Variants in MTRF1 observed in about 807,000 individuals in gnomAD.
MTRF1 encodes the protein mitochondrial translation release factor 1, also known as peptide chain release factor 1, mitochondrial.
MTRF1 carries 51 observed loss-of-function variants against 62.9 expected under a neutral mutation model. The ratio of observed to expected loss-of-function variants is 0.81; its 90% CI spans 0.65 to 1.02. The LOEUF (loss-of-function observed/expected upper bound fraction) is 1.02. MTRF1 is among the 50% of genes least tolerant of loss of function. MTRF1 has a pLI of 0.00. For synonymous variants in MTRF1, 158 were observed against 181.9 expected, an observed-to-expected ratio of 0.87 and a Z score of 1.06; for missense variants, 446 against 530.0, an observed-to-expected ratio of 0.84 and a Z score of 1.56.
At chr13:41,306,641 A>G in the MTRF1 span, among the ~76,000 whole-genome samples, 2 of 152,228 alleles carry the variant, frequency 1.3e-5, no homozygotes, top group Non-Finnish European at 2.9e-5. Context: ...ACTAGGCTGA[A>G]CGAGAAGAAT....
chr13:41,304,498 A>G, the MTRF1 span, among the ~76,000 whole-genome samples: 1 of 152,204 alleles, frequency 6.6e-6, no homozygotes, highest in African/African-American at 2.4e-5. Context: ...ACTCAACAAT[A>G]AATACTGTGA....
At chr13:41,280,658 T>C in the MTRF1 span, among the ~76,000 whole-genome samples, 37 of 152,174 alleles carry the variant, frequency 2.4e-4, no homozygotes, top group African/African-American at 8.4e-4. Context: ...AACCAAGCTG[T>C]ACCCTGACCA....
chr13:41,289,083 A>G, the MTRF1 span, among the ~76,000 whole-genome samples: 3 of 152,276 alleles, frequency 2.0e-5, no homozygotes, highest in East Asian at 3.9e-4. Context: ...GCAAATTGGA[A>G]AGGTGAAAAA....
At chr13:41,270,119 T>C in the MTRF1 span, among the ~76,000 whole-genome samples, 1 of 152,232 alleles carries the variant, frequency 6.6e-6, no homozygotes, top group East Asian at 1.9e-4. Context: ...TTGGGCTGGG[T>C]TTATAGTTTT....
At chr13:41,293,798 C>T in the MTRF1 span, among the ~76,000 whole-genome samples, 1 of 151,960 alleles carries the variant, frequency 6.6e-6, no homozygotes, top group African/African-American at 2.4e-5. Flanking sequence ...AATTTGATAT[C>T]TTAAAGTTGT....
chr13:41,311,436 C>A, the MTRF1 span: 18 of 1,241,682 alleles, frequency 1.4e-5, no homozygotes, highest in Non-Finnish European at 2.1e-5. Flanking sequence ...GCCCGACTCT[C>A]AGCAGCGGTT....
intron 5 of MTRF1, among the ~76,000 whole-genome samples, chr13:41,242,574 T>C (rs1042388277): frequency 6.6e-5 from 10 of 152,192 alleles, no homozygotes; most frequent in Admixed American, 6.5e-5. Context: ...CATATGATGT[T>C]GAGACCCAAT....
chr13:41,286,088 C>CAAAAAAAAAAAAAAAAAAAAAAAAAA, the MTRF1 span, among the ~76,000 whole-genome samples: 1 of 110,064 alleles, frequency 9.1e-6, no homozygotes, highest in Non-Finnish European at 1.7e-5. Context: ...ACAACAACAA[C>CAAAAAAAAAAAAAAAAAAAAAAAAAA]AAAAAAAAAA....
the MTRF1 span, among the ~76,000 whole-genome samples, chr13:41,295,197 T>C: frequency 5.3e-5 from 8 of 152,198 alleles, no homozygotes; most frequent in African/African-American, 1.7e-4. Context: ...AACACTGATG[T>C]TGTGGCCTGA....
the MTRF1 span, among the ~76,000 whole-genome samples, chr13:41,283,293 G>A: frequency 7.9e-5 from 12 of 152,240 alleles, no homozygotes; most frequent in East Asian, 5.8e-4. Context: ...TCCTCTGGGC[G>A]CTGCTGTCCC....
chr13:41,253,425 A>G (rs1454233415), intron 3 of MTRF1, among the ~76,000 whole-genome samples: 2 of 152,172 alleles, frequency 1.3e-5, no homozygotes, highest in African/African-American at 4.8e-5. Flanking sequence ...AAATGATTTC[A>G]TATTATCTTC....
intron 9 of MTRF1, chr13:41,220,717 T>G: frequency 1.5e-6 from 1 of 669,168 alleles, no homozygotes; most frequent in Non-Finnish European, 2.3e-6. Context: ...TGCTTTTCTC[T>G]GTGTATCAAT....
the MTRF1 span, among the ~76,000 whole-genome samples, chr13:41,306,761 G>A: frequency 1.3e-5 from 2 of 152,138 alleles, no homozygotes; most frequent in Non-Finnish European, 2.9e-5. Context: ...GGTATGCACC[G>A]TCTGAAGTGC....
the MTRF1 span, among the ~76,000 whole-genome samples, chr13:41,298,404 C>T: frequency 7.1e-3 from 6 of 850 alleles, no homozygotes; most frequent in African/African-American, 0.025. Flanking sequence ...GTTACACTCT[C>T]ATAGTGTAAC....
At chr13:41,291,788 A>G in the MTRF1 span, among the ~76,000 whole-genome samples, 1 of 152,156 alleles carries the variant, frequency 6.6e-6, no homozygotes, top group Non-Finnish European at 1.5e-5. Flanking sequence ...TTTTTTCTAA[A>G]CTGGGACTGA....
the MTRF1 span, among the ~76,000 whole-genome samples, chr13:41,270,135 C>A: frequency 6.6e-6 from 1 of 151,996 alleles, no homozygotes; most frequent in Non-Finnish European, 1.5e-5. Flanking sequence ...GTTTTGTAAC[C>A]CCTATGCAAA....
the MTRF1 span, among the ~76,000 whole-genome samples, chr13:41,279,849 T>C: frequency 6.6e-6 from 1 of 152,218 alleles, no homozygotes; most frequent in Admixed American, 6.5e-5. Flanking sequence ...CTTTTAGGTC[T>C]GATAAGAAAC....
chr13:41,277,569 G>A, the MTRF1 span, among the ~76,000 whole-genome samples: 1 of 152,284 alleles, frequency 6.6e-6, no homozygotes, highest in Admixed American at 6.5e-5. Context: ...GGCAAGGTAT[G>A]GGGAAGATGT....
chr13:41,273,399 T>C, the MTRF1 span, among the ~76,000 whole-genome samples: 1 of 151,652 alleles, frequency 6.6e-6, no homozygotes, highest in Non-Finnish European at 1.5e-5. Context: ...GAACCCCAAA[T>C]ATCTGAGACA....
Sources: allele counts gnomAD v4.1 joint callset (sites outside exome capture counted in the v4.1 genomes callset), GRCh38; gene constraint gnomAD v4.1.1; transcripts MANE v1.5; gene names NCBI Gene and HGNC (gene_info 2026-07-23, HGNC 2026-07-21).